The following GALNT17 variants were observed in gnomAD, a reference collection of about 807,000 sequenced individuals.
The protein encoded by GALNT17 is UDP-GalNAc:polypeptide N-acetylgalactosaminyltransferase-like 3.
GALNT17 carries 29 observed loss-of-function variants against 63.7 expected under a neutral mutation model. The observed-to-expected ratio is 0.46, with a 90% CI of 0.34 to 0.62. The LOEUF (loss-of-function observed/expected upper bound fraction) is 0.62. Among genes scored for constraint, GALNT17 ranks in the 20% least tolerant of loss-of-function variants. The pLI is 0.01. For missense variants in GALNT17, 603 were observed against 799.6 expected (o/e 0.75, Z 2.97); for synonymous variants, 305 against 318.3 (o/e 0.96, Z 0.45).
intron 1 of GALNT17, among the ~76,000 whole-genome samples, chr7:71,320,576 T>C (rs903453305): frequency 6.6e-6 from 1 of 152,088 alleles, no homozygotes; most frequent in African/African-American, 2.4e-5. Flanking sequence ...AAGGAAGAAA[T>C]CTACATCTAA....
intron 5 of GALNT17, among the ~76,000 whole-genome samples, chr7:71,525,346 C>A (rs1238420567): frequency 1.3e-5 from 2 of 151,966 alleles, no homozygotes; most frequent in African/African-American, 4.8e-5. Context: ...CCATGCCCGG[C>A]TAATTTTTTT....
At chr7:71,321,913 T>C (rs1213047277) in intron 1 of GALNT17, among the ~76,000 whole-genome samples, 33 of 24,100 alleles carry the variant, frequency 1.4e-3, no homozygotes, top group South Asian at 1.9e-3. Flanking sequence ...CTTCCTTCCT[T>C]CCTTCCTTCC....
chr7:71,449,108 C>CTT (rs59368494), intron 5 of GALNT17, among the ~76,000 whole-genome samples: 15 of 72,748 alleles, frequency 2.1e-4, no homozygotes, highest in South Asian at 5.9e-4. Context: ...TGCCTATTTT[C>CTT]TTTTTTTTTT....
At chr7:71,516,934 A>G (rs1450052777) in intron 5 of GALNT17, among the ~76,000 whole-genome samples, 1 of 152,110 alleles carries the variant, frequency 6.6e-6, no homozygotes, top group Non-Finnish European at 1.5e-5. Context: ...AGAGCACACA[A>G]CACCCTCAGT....
intron 2 of GALNT17, among the ~76,000 whole-genome samples, chr7:71,370,948 T>G (rs1563042053): frequency 2.0e-5 from 3 of 152,196 alleles, no homozygotes; most frequent in Non-Finnish European, 2.9e-5. Context: ...GGATTGCTCC[T>G]GGGTAGAGAC....
chr7:71,545,279 A>G lies in GALNT17; in HGVS notation c.963-26006A>G, dbSNP rs565684128. Among the ~76,000 whole-genome samples, 109 of 151,928 alleles carry G rather than the reference A, an allele frequency of 7.2e-4. 5 individuals are homozygous for G. In the South Asian group the frequency reaches 0.022, roughly 31 times the overall value. On this transcript the variant is annotated intron_variant, in intron 5 of 10. Coordinates refer to ENST00000333538, the MANE Select transcript of GALNT17 (RefSeq NM_022479.3). ...CACATCTCTCTGTTTATTTTTCACA[A>G]GGTTTTGTTCTTATGGTTTTTGACT...
At chr7:71,270,852 A>G (rs1442390793) in intron 1 of GALNT17, among the ~76,000 whole-genome samples, 2 of 152,088 alleles carry the variant, frequency 1.3e-5, no homozygotes, top group Admixed American at 6.5e-5. Flanking sequence ...AAAAAAAAAT[A>G]AAAAAGAAAG....
chr7:71,160,763 A>G (rs1472162848), intron 1 of GALNT17, among the ~76,000 whole-genome samples: 1 of 152,178 alleles, frequency 6.6e-6, no homozygotes, highest in Non-Finnish European at 1.5e-5. Context: ...ACGGCCACGA[A>G]CATCTTTATA....
rs190127842 is a variant in GALNT17, at chr7:71,165,443, G to T, written c.238+32403G>T. On this transcript the variant is annotated intron_variant, in intron 1 of 10. Coordinates refer to ENST00000333538, the MANE Select transcript of GALNT17 (RefSeq NM_022479.3). ...TCACAAACATGGCAGAAGGTGAAAG[G>T]CACGTTTCACATGGCGACAGACAAG... Among the ~76,000 whole-genome samples, 6 of 150,950 alleles carry T rather than the reference G, an allele frequency of 4.0e-5. No individual in the cohort carries two copies. In the East Asian group the frequency reaches 1.2e-3, roughly 30 times the overall value.
chr7:71,418,734 G>C (rs1263790630), intron 4 of GALNT17, among the ~76,000 whole-genome samples: 1 of 152,208 alleles, frequency 6.6e-6, no homozygotes, highest in Non-Finnish European at 1.5e-5. Context: ...GACATCCCCA[G>C]GGAGGAGGGA....
At chr7:71,227,629 CATTTG>C (rs1296438580) in intron 1 of GALNT17, among the ~76,000 whole-genome samples, 5 of 152,048 alleles carry the variant, frequency 3.3e-5, no homozygotes, top group Non-Finnish European at 5.9e-5. Flanking sequence ...TTGCTCTCAC[CATTTG>C]ATTTGATTTG....
intron 6 of GALNT17, among the ~76,000 whole-genome samples, chr7:71,638,577 G>A (rs1229004903): frequency 6.6e-6 from 1 of 152,160 alleles, no homozygotes; most frequent in Non-Finnish European, 1.5e-5. Flanking sequence ...ATACAGACAC[G>A]GCATGGGTAG....
At chr7:71,654,548 T>C (rs1790799634) in intron 6 of GALNT17, among the ~76,000 whole-genome samples, 1 of 152,228 alleles carries the variant, frequency 6.6e-6, no homozygotes, top group East Asian at 1.9e-4. Flanking sequence ...ACTATGTGAT[T>C]GCTGCTTTGC....
At chr7:71,420,498 G>A (rs934861518) in intron 4 of GALNT17, among the ~76,000 whole-genome samples, 6 of 152,170 alleles carry the variant, frequency 3.9e-5, no homozygotes, top group East Asian at 1.9e-4. Context: ...AAAAACAAGC[G>A]GTGGCAGTCA....
At chr7:71,156,515 C>G (rs918847550) in intron 1 of GALNT17, among the ~76,000 whole-genome samples, 11 of 151,702 alleles carry the variant, frequency 7.3e-5, no homozygotes, top group Admixed American at 7.2e-4. Flanking sequence ...AGCAATACAT[C>G]TGTAAAAATG....
intron 1 of GALNT17, among the ~76,000 whole-genome samples, chr7:71,293,912 C>T (rs776659341): frequency 6.6e-6 from 1 of 152,122 alleles, no homozygotes; most frequent in Non-Finnish European, 1.5e-5. Context: ...GTAATCCCAG[C>T]ACTTTGGGAG....
intron 5 of GALNT17, among the ~76,000 whole-genome samples, chr7:71,480,695 A>T (rs1335964213): frequency 6.6e-6 from 1 of 152,082 alleles, no homozygotes; most frequent in Admixed American, 6.5e-5. Flanking sequence ...TTAATAGAGA[A>T]AGGGTTTCAA....
chr7:71,414,368 C>T (rs898029456), intron 3 of GALNT17, among the ~76,000 whole-genome samples: 3 of 152,078 alleles, frequency 2.0e-5, no homozygotes, highest in Non-Finnish European at 4.4e-5. Context: ...TTAGATTTAC[C>T]ATTTATTGAA....
chr7:71,409,022 A>G (rs1255092765), intron 3 of GALNT17, among the ~76,000 whole-genome samples: 2 of 114,958 alleles, frequency 1.7e-5, no homozygotes, highest in Admixed American at 7.8e-5. Flanking sequence ...ACACAAACAC[A>G]CACACACACA....
Sources: allele counts gnomAD v4.1 joint callset (sites outside exome capture counted in the v4.1 genomes callset), GRCh38; gene constraint gnomAD v4.1.1; transcripts MANE v1.5; gene names NCBI Gene and HGNC (gene_info 2026-07-23, HGNC 2026-07-21).